SLC14A2: variants seen among roughly 807,000 people sequenced by gnomAD.
SLC14A2 encodes the protein solute carrier family 14 member 2.
A neutral mutation model predicts 104.6 loss-of-function variants in SLC14A2; 91 were observed. That is an observed-to-expected ratio of 0.87 (90% CI 0.73 to 1.04). The LOEUF is 1.04. SLC14A2 is among the 50% of genes least tolerant of loss of function. The pLI is 0.00. For missense variants in SLC14A2, 1,189 were observed against 1,156.0 expected (o/e 1.03, Z -0.41); for synonymous variants, 476 against 466.4 (o/e 1.02, Z -0.27).
intron 1 of SLC14A2, among the ~76,000 whole-genome samples, chr18:45,402,384 C>T (rs1345488): frequency 0.24 from 37,181 of 152,102 alleles, 4,793 homozygotes; most frequent in East Asian, 0.4. Flanking sequence ...ACACAAAAGA[C>T]GCTAATAAAG....
At chr18:45,538,872 G>A (rs1225879168) in intron 2 of SLC14A2, among the ~76,000 whole-genome samples, 1 of 35,360 alleles carries the variant, frequency 2.8e-5, no homozygotes, top group Non-Finnish European at 5.9e-5. Flanking sequence ...TTTTTTTTTT[G>A]CTTGCTTTCT....
chr18:45,562,982 A>G (rs948356387), intron 2 of SLC14A2, among the ~76,000 whole-genome samples: 1 of 152,238 alleles, frequency 6.6e-6, no homozygotes, highest in Non-Finnish European at 1.5e-5. Flanking sequence ...TAATTTTTAT[A>G]GTTCCTCGGG....
At chr18:45,432,011 T>G (rs115749927) in intron 1 of SLC14A2, among the ~76,000 whole-genome samples, 9 of 152,304 alleles carry the variant, frequency 5.9e-5, no homozygotes, top group East Asian at 3.9e-4. Flanking sequence ...CCCTGGTTTA[T>G]GTAGTCAAAG....
the SLC14A2 span, among the ~76,000 whole-genome samples, chr18:45,200,484 T>C: frequency 6.6e-6 from 1 of 152,210 alleles, no homozygotes; most frequent in African/African-American, 2.4e-5. Flanking sequence ...CATTTTAAAG[T>C]TCTGCTGTGT....
chr18:45,435,395 C>T (rs1042830053), intron 1 of SLC14A2: 46 of 152,142 alleles, frequency 3.0e-4, no homozygotes. Flanking sequence ...AGGTCAATTA[C>T]ATTTATTATT....
At chr18:45,345,030 A>G (rs16978345) in intron 1 of SLC14A2, among the ~76,000 whole-genome samples, 18,891 of 152,220 alleles carry the variant, frequency 0.12, 1,509 homozygotes, top group African/African-American at 0.23. Context: ...TTGGACGTGC[A>G]GTATGATCCA....
intron 1 of SLC14A2, among the ~76,000 whole-genome samples, chr18:45,453,647 G>A (rs565325955): frequency 2.0e-5 from 3 of 151,916 alleles, no homozygotes; most frequent in African/African-American, 7.3e-5. Flanking sequence ...TAATTCTTGA[G>A]TATTTTTGTG....
At chr18:45,351,678 A>G (rs537299057) in intron 1 of SLC14A2, among the ~76,000 whole-genome samples, 1 of 152,330 alleles carries the variant, frequency 6.6e-6, no homozygotes, top group East Asian at 1.9e-4. Context: ...CTCAGTACCT[A>G]CAGTATACTA....
chr18:45,193,681 G>A, the SLC14A2 span, among the ~76,000 whole-genome samples: 1 of 152,040 alleles, frequency 6.6e-6, no homozygotes, highest in African/African-American at 2.4e-5. Flanking sequence ...TTTCAAAGTC[G>A]TTTTGGTTCT....
chr18:45,325,546 A>G (rs2085226488), intron 1 of SLC14A2, among the ~76,000 whole-genome samples: 1 of 152,190 alleles, frequency 6.6e-6, no homozygotes, highest in Admixed American at 6.5e-5. Context: ...GGTTTGGTTA[A>G]TATTTGATGA....
chr18:45,280,497 C>G (rs947917295), intron 1 of SLC14A2, among the ~76,000 whole-genome samples: 1 of 152,172 alleles, frequency 6.6e-6, no homozygotes, highest in Non-Finnish European at 1.5e-5. Flanking sequence ...GGGTCTCCAG[C>G]CTCGAAGGCC....
chr18:45,553,918 G>T (rs2044091103), intron 2 of SLC14A2, among the ~76,000 whole-genome samples: 2 of 152,152 alleles, frequency 1.3e-5, no homozygotes, highest in Admixed American at 6.5e-5. Context: ...CCATACAAGG[G>T]TTCCCATCTG....
intron 1 of SLC14A2, among the ~76,000 whole-genome samples, chr18:45,282,470 T>A (rs993570285): frequency 6.6e-6 from 1 of 152,178 alleles, no homozygotes; most frequent in Non-Finnish European, 1.5e-5. Context: ...TGCCCCCTAC[T>A]TTTGAAACTG....
intron 1 of SLC14A2, among the ~76,000 whole-genome samples, chr18:45,413,039 T>C (rs2086231345): frequency 6.6e-6 from 1 of 152,226 alleles, no homozygotes; most frequent in Non-Finnish European, 1.5e-5. Flanking sequence ...TTTTCATTAC[T>C]GTTGTTTTTC....
At position 45,568,203 on chromosome 18, in the gene SLC14A2, C is replaced by T. The variant is rs549069482; in HGVS notation, c.-34-56428C>T. Reference sequence around the variant, plus strand: ...GATCCTTCACTCCCACTGCCATCCCCAGCAGGCTTGTGCCTTGCCCCCGCC... The same window carrying T: ...GATCCTTCACTCCCACTGCCATCCCTAGCAGGCTTGTGCCTTGCCCCCGCC... On this transcript the variant is annotated intron_variant, in intron 2 of 20. Transcript: ENST00000586448. 1.4e-3 allele frequency among the ~76,000 whole-genome samples: 206 copies of T among 152,364 alleles called. 1 individual carries two copies. The highest frequency in any genetic ancestry group is 4.7e-3 in the African/African-American group (194 of 41,592).
intron 1 of SLC14A2, among the ~76,000 whole-genome samples, chr18:45,404,402 G>A (rs1183749816): frequency 6.6e-6 from 1 of 152,176 alleles, no homozygotes; most frequent in Non-Finnish European, 1.5e-5. Context: ...TGAGGGCTCA[G>A]GGAATTTGAA....
chr18:45,478,201 G>C (rs2087421762), intron 1 of SLC14A2, among the ~76,000 whole-genome samples: 1 of 152,186 alleles, frequency 6.6e-6, no homozygotes, highest in Non-Finnish European at 1.5e-5. Context: ...TGTTCCTCAA[G>C]GCACAGTCCC....
intron 1 of SLC14A2, among the ~76,000 whole-genome samples, chr18:45,311,844 A>C (rs1013920548): frequency 1.3e-5 from 2 of 152,196 alleles, no homozygotes; most frequent in Non-Finnish European, 2.9e-5. Flanking sequence ...AAGTCAAGAG[A>C]ATGGAGATGG....
intron 1 of SLC14A2, among the ~76,000 whole-genome samples, chr18:45,404,595 G>A (rs527403568): frequency 1.3e-5 from 2 of 152,262 alleles, no homozygotes; most frequent in Non-Finnish European, 2.9e-5. Flanking sequence ...TCTTCCCAAG[G>A]CACATACCCC....
Sources: gnomAD v4.1 joint callset for allele counts (sites outside exome capture counted in the v4.1 genomes callset) on GRCh38, gnomAD v4.1.1 for gene constraint, MANE v1.5 for transcripts, NCBI Gene and HGNC (gene_info 2026-07-23, HGNC 2026-07-21) for gene names.